DMRT1: variants seen among roughly 807,000 people sequenced by gnomAD.
DMRT1 encodes the protein doublesex and mab-3 related transcription factor 1.
DMRT1 carries 7 observed loss-of-function variants against 32.3 expected under a neutral mutation model. The ratio of observed to expected loss-of-function variants is 0.22; its 90% CI spans 0.12 to 0.41. DMRT1 has a LOEUF of 0.41. Ranked by LOEUF, DMRT1 falls within the 10% of genes least tolerant of loss-of-function variation. The probability of loss-of-function intolerance (pLI) is 1.00; values close to 1 mark genes in which losing one functional copy is unlikely to be tolerated. For synonymous variants in DMRT1, 278 were observed against 206.1 expected, an observed-to-expected ratio of 1.35 and a Z score of -2.99; for missense variants, 625 against 500.5, an observed-to-expected ratio of 1.25 and a Z score of -2.37.
chr9:933,491 A>C lies in DMRT1; in HGVS notation c.967+16584A>C, dbSNP rs957913747. On this transcript the variant is annotated intron_variant, in intron 4 of 4. Coordinates refer to ENST00000382276, the MANE Select transcript of DMRT1 (RefSeq NM_021951.3). ...ATGCTGAATAGAGAGAATGGGTAAC[A>C]AAGCTAGGAATGGAGCAGGGTGACC... Among the ~76,000 whole-genome samples, 6 of 152,168 alleles carry C rather than the reference A, an allele frequency of 3.9e-5. No homozygotes were observed. The South Asian group carries it at 1.2e-3, about 32-fold the overall frequency.
At chr9:886,467 G>A (rs1472933353) in intron 2 of DMRT1, among the ~76,000 whole-genome samples, 1 of 152,046 alleles carries the variant, frequency 6.6e-6, no homozygotes, top group Non-Finnish European at 1.5e-5. Flanking sequence ...TGTTGGCCAG[G>A]TTGGTCCCAA....
At chr9:848,143 T>C (rs539742736) in intron 2 of DMRT1, among the ~76,000 whole-genome samples, 1 of 152,356 alleles carries the variant, frequency 6.6e-6, no homozygotes, top group Non-Finnish European at 1.5e-5. Context: ...CAGTGTGATA[T>C]CACCTTGACT....
chr9:909,774 G>C (rs934748116), intron 3 of DMRT1, among the ~76,000 whole-genome samples: 1 of 152,054 alleles, frequency 6.6e-6, no homozygotes, highest in Non-Finnish European at 1.5e-5. Context: ...AGTCAGCAGG[G>C]CAAACATAGC....
chr9:958,484 A>T (rs1819667832), intron 4 of DMRT1, among the ~76,000 whole-genome samples: 1 of 152,166 alleles, frequency 6.6e-6, no homozygotes, highest in Admixed American at 6.5e-5. Flanking sequence ...CTCCTGCCTC[A>T]GCCTCCCAAG....
At chr9:873,478 T>A (rs1416265912) in intron 2 of DMRT1, among the ~76,000 whole-genome samples, 3 of 151,954 alleles carry the variant, frequency 2.0e-5, no homozygotes, top group Non-Finnish European at 4.4e-5. Flanking sequence ...GCTAATTTTT[T>A]GTATTTTCTT....
At chr9:881,024 T>C (rs1290868088) in intron 2 of DMRT1, among the ~76,000 whole-genome samples, 4 of 152,142 alleles carry the variant, frequency 2.6e-5, no homozygotes, top group African/African-American at 9.7e-5. Flanking sequence ...AAAGCAGTTC[T>C]CAACTTGCTC....
chr9:932,937 G>A (rs1818773123), intron 4 of DMRT1, among the ~76,000 whole-genome samples: 1 of 151,622 alleles, frequency 6.6e-6, no homozygotes, highest in African/African-American at 2.4e-5. Context: ...TTTTGAGACA[G>A]GGTTTTGCTC....
chr9:863,150 A>C (rs74661396), intron 2 of DMRT1, among the ~76,000 whole-genome samples: 138 of 11,752 alleles, frequency 0.012, no homozygotes, highest in Admixed American at 0.031. Context: ...AGGTCTCTAC[A>C]AAAAAAAAAA....
At chr9:878,014 C>T (rs993851314) in intron 2 of DMRT1, among the ~76,000 whole-genome samples, 5 of 152,272 alleles carry the variant, frequency 3.3e-5, no homozygotes, top group Admixed American at 3.3e-4. Flanking sequence ...CTAAAACATC[C>T]AGCAACCCTG....
intron 3 of DMRT1, among the ~76,000 whole-genome samples, chr9:903,003 C>T (rs1203713614): frequency 6.6e-6 from 1 of 152,170 alleles, no homozygotes; most frequent in African/African-American, 2.4e-5. Flanking sequence ...AGTTTAAAGC[C>T]AGTGGAATTA....
At chr9:930,398 ATTTTTTTTATTAAAAAAATTT>A (rs1303311826) in intron 4 of DMRT1, among the ~76,000 whole-genome samples, 2 of 150,840 alleles carry the variant, frequency 1.3e-5, no homozygotes, top group African/African-American at 4.9e-5. Flanking sequence ...ACACTTGGCT[ATTTTTTTTATTAAAAAAATTT>A]TTTTTTTTTT....
At chr9:880,416 T>C (rs1005456195) in intron 2 of DMRT1, among the ~76,000 whole-genome samples, 2 of 152,186 alleles carry the variant, frequency 1.3e-5, no homozygotes, top group African/African-American at 2.4e-5. Context: ...ATGAGGAATA[T>C]GCGAGCATTA....
At chr9:924,450 A>G (rs1292673080) in intron 4 of DMRT1, among the ~76,000 whole-genome samples, 2 of 152,180 alleles carry the variant, frequency 1.3e-5, no homozygotes, top group African/African-American at 4.8e-5. Flanking sequence ...TTATATATGG[A>G]TCACATAAGG....
intron 2 of DMRT1, among the ~76,000 whole-genome samples, chr9:875,367 C>T (rs1369786280): frequency 6.6e-6 from 1 of 152,126 alleles, no homozygotes; most frequent in African/African-American, 2.4e-5. Flanking sequence ...CTGGGCCCGA[C>T]AGCTTTAGAG....
intron 2 of DMRT1, among the ~76,000 whole-genome samples, chr9:847,887 A>G (rs1169614520): frequency 3.3e-5 from 5 of 152,214 alleles, no homozygotes; most frequent in African/African-American, 4.8e-5. Flanking sequence ...TCTTCATTAC[A>G]CTAGCCACAT....
intron 2 of DMRT1, among the ~76,000 whole-genome samples, chr9:856,143 C>T (rs1474383495): frequency 6.6e-6 from 1 of 152,082 alleles, no homozygotes; most frequent in Non-Finnish European, 1.5e-5. Context: ...TCTCGAATTC[C>T]TGACCTCAAG....
chr9:851,044 AAG>A (rs1491007847), intron 2 of DMRT1, among the ~76,000 whole-genome samples: 18,009 of 65,332 alleles, frequency 0.28, 1,591 homozygotes, highest in East Asian at 0.47. Flanking sequence ...AAAAAAAAAA[AAG>A]AAAGAAAAAT....
intron 2 of DMRT1, among the ~76,000 whole-genome samples, chr9:875,439 C>G (rs7033788): frequency 0.036 from 5,412 of 152,228 alleles, 337 homozygotes; most frequent in African/African-American, 0.12. Context: ...GGTTCTGCAT[C>G]TATTTTGATT....
chr9:964,445 G>A (rs1241074221), intron 4 of DMRT1, among the ~76,000 whole-genome samples: 1 of 151,878 alleles, frequency 6.6e-6, no homozygotes, highest in African/African-American at 2.4e-5. Flanking sequence ...GGTCAGCCTC[G>A]GAGGTTTACC....
Sources: gnomAD v4.1 joint callset for allele counts (sites outside exome capture counted in the v4.1 genomes callset) on GRCh38, gnomAD v4.1.1 for gene constraint, MANE v1.5 for transcripts, NCBI Gene and HGNC (gene_info 2026-07-23, HGNC 2026-07-21) for gene names.